SGCZ: variants seen among roughly 807,000 people sequenced by gnomAD.
SGCZ encodes zeta-sarcoglycan.
In SGCZ, 40 loss-of-function variants were observed where a neutral mutation model predicts 41.3. The ratio of observed to expected loss-of-function variants is 0.97; its 90% CI spans 0.75 to 1.26. The LOEUF is 1.26. Ranked by LOEUF, SGCZ falls within the 50% of genes most tolerant of loss-of-function variation. The pLI is 0.00. For missense variants in SGCZ, 552 were observed against 369.8 expected (o/e 1.49, Z -4.04); for synonymous variants, 206 against 137.5 (o/e 1.50, Z -3.49).
chr8:14,348,275 T>A (rs1802960694), intron 2 of SGCZ, among the ~76,000 whole-genome samples: 1 of 152,016 alleles, frequency 6.6e-6, no homozygotes, highest in African/African-American at 2.4e-5. Flanking sequence ...CACCAAAAAT[T>A]TGAGATGGTT....
Position 14,838,029 on chromosome 8 carries a change from A to T in SGCZ, c.40-283103T>A, listed in dbSNP as rs1235064957. ...GCCATAAAAAAAAGAACAAAATCCT[A>T]TCATTTGCCACGACGTGGACAGAAA... is the stretch of plus-strand genomic sequence containing the variant. On this transcript the variant is annotated intron_variant, in intron 1 of 7. Transcript: ENST00000382080. 7.2e-5 allele frequency among the ~76,000 whole-genome samples: 11 copies of T among 152,188 alleles called. 1 individual carries two copies. Among genetic ancestry groups the T allele is most frequent in the Admixed American group, 7.2e-4 (11 of 15,272 alleles).
At chr8:14,475,577 A>G (rs969252495) in intron 2 of SGCZ, among the ~76,000 whole-genome samples, 6 of 152,156 alleles carry the variant, frequency 3.9e-5, no homozygotes, top group Non-Finnish European at 5.9e-5. Flanking sequence ...AGCTTGTTTT[A>G]TGTCTTTATT....
At chr8:14,448,810 T>C (rs73188381) in intron 2 of SGCZ, among the ~76,000 whole-genome samples, 1,928 of 152,294 alleles carry the variant, frequency 0.013, 24 homozygotes, top group East Asian at 0.073. Flanking sequence ...CTTTCTGGCC[T>C]CTGACTCTTC....
intron 2 of SGCZ, among the ~76,000 whole-genome samples, chr8:14,407,053 TTA>T: frequency 6.8e-6 from 1 of 147,092 alleles, no homozygotes; most frequent in South Asian, 2.2e-4. Flanking sequence ...ATTCTATAAG[TTA>T]TGAGTTTTCC....
At chr8:14,954,384 G>A (rs1800732235) in intron 1 of SGCZ, among the ~76,000 whole-genome samples, 1 of 152,080 alleles carries the variant, frequency 6.6e-6, no homozygotes, top group African/African-American at 2.4e-5. Flanking sequence ...TTCAATCATT[G>A]AAGGTTGTCT....
chr8:15,190,239 G>A (rs969596910), intron 1 of SGCZ, among the ~76,000 whole-genome samples: 2 of 152,228 alleles, frequency 1.3e-5, no homozygotes, highest in Non-Finnish European at 1.5e-5. Context: ...ATACCTTTAA[G>A]TAACCCTGAT....
intron 4 of SGCZ, among the ~76,000 whole-genome samples, chr8:14,224,782 A>C (rs1294781561): frequency 6.6e-6 from 1 of 152,158 alleles, no homozygotes; most frequent in African/African-American, 2.4e-5. Flanking sequence ...TCATTAAATT[A>C]CTTGTAACAC....
intron 1 of SGCZ, among the ~76,000 whole-genome samples, chr8:15,032,621 A>G (rs937608219): frequency 1.3e-5 from 2 of 152,150 alleles, no homozygotes; most frequent in Non-Finnish European, 2.9e-5. Context: ...CTGACCCCAG[A>G]AACTCCAGGC....
At chr8:14,869,656 T>C (rs1804071465) in intron 1 of SGCZ, among the ~76,000 whole-genome samples, 1 of 152,190 alleles carries the variant, frequency 6.6e-6, no homozygotes, top group African/African-American at 2.4e-5. Context: ...ATTGTCTCTG[T>C]TTGCAGATGA....
intron 2 of SGCZ, among the ~76,000 whole-genome samples, chr8:14,482,068 T>A (rs1585573679): frequency 6.6e-6 from 1 of 152,262 alleles, no homozygotes; most frequent in Non-Finnish European, 1.5e-5. Flanking sequence ...TAAGCGAGTA[T>A]CTTAAATTTA....
chr8:15,192,183 G>T (rs1008091906), intron 1 of SGCZ, among the ~76,000 whole-genome samples: 11 of 151,948 alleles, frequency 7.2e-5, no homozygotes, highest in Admixed American at 3.3e-4. Flanking sequence ...GTAAAATTTT[G>T]TTCCTGAATC....
intron 7 of SGCZ, among the ~76,000 whole-genome samples, chr8:14,092,941 T>G (rs1056816920): frequency 6.6e-6 from 1 of 152,054 alleles, no homozygotes; most frequent in African/African-American, 2.4e-5. Flanking sequence ...CAATACCTAC[T>G]TTGCTAAATC....
At chr8:14,801,896 C>G (rs1178335134) in intron 1 of SGCZ, among the ~76,000 whole-genome samples, 2 of 152,152 alleles carry the variant, frequency 1.3e-5, no homozygotes, top group Non-Finnish European at 2.9e-5. Context: ...TAATGAGAAA[C>G]TGACAAACTG....
At chr8:14,972,948 A>AGTT (rs1481764400) in intron 1 of SGCZ, among the ~76,000 whole-genome samples, 2 of 152,208 alleles carry the variant, frequency 1.3e-5, no homozygotes, top group Non-Finnish European at 1.5e-5. Flanking sequence ...CCCTTTGTGT[A>AGTT]GTTACATATT....
chr8:14,722,451 T>G (rs1039222892), intron 1 of SGCZ, among the ~76,000 whole-genome samples: 1 of 152,106 alleles, frequency 6.6e-6, no homozygotes, highest in Non-Finnish European at 1.5e-5. Flanking sequence ...GAATACTTTA[T>G]TATTATAATA....
intron 2 of SGCZ, among the ~76,000 whole-genome samples, chr8:14,345,219 C>A (rs1039582615): frequency 1.3e-5 from 2 of 151,968 alleles, no homozygotes; most frequent in African/African-American, 4.8e-5. Context: ...CCAATTAAAC[C>A]ACAAGTTTTC....
intron 4 of SGCZ, among the ~76,000 whole-genome samples, chr8:14,190,982 T>C (rs1005950641): frequency 1.2e-4 from 18 of 152,210 alleles, no homozygotes; most frequent in African/African-American, 4.3e-4. Flanking sequence ...AAGGATTCCC[T>C]TTTCGTCACA....
chr8:14,561,737 C>A (rs1048055005), intron 1 of SGCZ, among the ~76,000 whole-genome samples: 3 of 152,076 alleles, frequency 2.0e-5, no homozygotes, highest in Non-Finnish European at 2.9e-5. Context: ...GATCCTCCTG[C>A]AATTCAGGGA....
At chr8:14,718,845 A>G (rs1809784696) in intron 1 of SGCZ, among the ~76,000 whole-genome samples, 1 of 144,840 alleles carries the variant, frequency 6.9e-6, no homozygotes, top group African/African-American at 2.6e-5. Flanking sequence ...TTAAGAATAT[A>G]TATATATATT....
Sources: gnomAD v4.1 joint callset for allele counts (sites outside exome capture counted in the v4.1 genomes callset) on GRCh38, gnomAD v4.1.1 for gene constraint, MANE v1.5 for transcripts, NCBI Gene and HGNC (gene_info 2026-07-23, HGNC 2026-07-21) for gene names.